Variants in TANGO2 observed in about 807,000 individuals in gnomAD.
TANGO2 encodes transport and Golgi organization protein 2 homolog.
TANGO2 carries 26 observed loss-of-function variants against 39.1 expected under a neutral mutation model. The observed-to-expected ratio is 0.67, with a 90% CI of 0.49 to 0.92. The LOEUF is 0.92. Ranked by LOEUF, TANGO2 falls within the 40% of genes least tolerant of loss-of-function variation. TANGO2 has a pLI of 0.00. For synonymous variants in TANGO2, 131 were observed against 144.5 expected (o/e 0.91, Z 0.67); for missense variants, 326 against 360.1 (o/e 0.91, Z 0.77).
At chr22:20,043,269 T>C (rs2044328757) in intron 2 of TANGO2, 86 bp from the exon 3 acceptor site, 1 of 995,134 alleles carries the variant, frequency 1.0e-6, no homozygotes, top group Admixed American at 1.9e-5. Context: ...TTGTTGCCAC[T>C]GAGGCCAGTT....
chr22:20,055,945 C>T lies in TANGO2; in HGVS notation c.383C>T (p.Thr128Ile), dbSNP rs2047247015. 5 of 1,613,632 alleles carry T rather than the reference C, an allele frequency of 3.1e-6. No homozygotes were observed. The highest frequency in any genetic ancestry group is 4.2e-6 in the Non-Finnish European group (5 of 1,179,522). Residue 128 changes from threonine to isoleucine, a missense_variant and splice_region_variant, in exon 6 of 9, where the codon ACA (threonine) becomes ATA (isoleucine). Coordinates refer to ENST00000327374, the MANE Select transcript of TANGO2 (RefSeq NM_152906.7). The stretch of plus-strand genomic sequence containing the variant: ...CATTCTCTCCCCTTGGCCTGCAGCA[C>T]AGCAAAGGGAGACGTCATTTGCTAC... Reference protein sequence around the residue: ...GFNLIAADLSTAKGDVICYYG... With the variant: ...GFNLIAADLSIAKGDVICYYG...
intron 6 of TANGO2, chr22:20,056,285 G>A (rs1040706072): frequency 1.5e-6 from 1 of 648,218 alleles, no homozygotes; most frequent in Non-Finnish European, 2.9e-6. Context: ...AGCCCAGCCG[G>A]CCACCCCCAG....
At chr22:20,038,923 A>G (rs910953984) in intron 2 of TANGO2, among the ~76,000 whole-genome samples, 11 of 25,024 alleles carry the variant, frequency 4.4e-4, no homozygotes, top group South Asian at 3.5e-3. Context: ...TTAGGCCACT[A>G]TGTTTTTTTT....
rs1478261015 is a variant in TANGO2 at position 20,066,905 on chromosome 22, C to G, written c.*2243C>G. On this transcript the variant is annotated 3_prime_UTR_variant, in exon 9 of 9. Coordinates refer to ENST00000327374, the MANE Select transcript of TANGO2 (RefSeq NM_152906.7). ...CCCTCTGCCCCCACCCTGCCCAGGG[C>G]TCCCCAGCAGCCTGAGGCCCCTAAG... 5 of 152,546 alleles carry G rather than the reference C, an allele frequency of 3.3e-5. No homozygotes were observed. In the East Asian group the frequency reaches 7.7e-4, roughly 24 times the overall value. 9.4% of individuals were successfully genotyped at this position (152,546 alleles called of 1,614,324 possible).
chr22:20,033,256 TCTG>T (rs1161812433), intron 1 of TANGO2: 1 of 524,738 alleles, frequency 1.9e-6, no homozygotes, highest in Non-Finnish European at 3.9e-6. Flanking sequence ...AGCCCTTGGC[TCTG>T]CGCCCACACC....
chr22:20,017,539 G>A (rs973112717), upstream of TANGO2, among the ~76,000 whole-genome samples: 7 of 152,146 alleles, frequency 4.6e-5, no homozygotes, highest in Non-Finnish European at 1.0e-4. Flanking sequence ...GTCCCACCCT[G>A]CAGGCCCCCC....
At chr22:20,035,958 C>A (rs9606220) in intron 1 of TANGO2, among the ~76,000 whole-genome samples, 2 of 152,158 alleles carry the variant, frequency 1.3e-5, no homozygotes, top group Non-Finnish European at 2.9e-5. Context: ...TTGTCGGCCT[C>A]CACTTTCCCC....
intron 3 of TANGO2, among the ~76,000 whole-genome samples, chr22:20,047,224 G>GTTTT (rs1241057513): frequency 1.9e-4 from 28 of 145,814 alleles, no homozygotes; most frequent in African/African-American, 6.8e-4. Context: ...CAGTTTTTTG[G>GTTTT]TTTGTTTGTT....
intron 8 of TANGO2, 74 bp from the exon 9 acceptor site, chr22:20,064,468 C>A: frequency 6.3e-7 from 1 of 1,588,382 alleles, no homozygotes; most frequent in Non-Finnish European, 8.6e-7. Context: ...TGCATTCTTG[C>A]CCTATTTGTG....
At chr22:20,061,867 C>A in intron 7 of TANGO2, 184 bp downstream of exon 7, 2 of 767,896 alleles carry the variant, frequency 2.6e-6, no homozygotes, top group Non-Finnish European at 4.0e-6. Flanking sequence ...TTTCCAACAC[C>A]AGGGACTTTT....
At chr22:20,064,077 T>G (rs934759204) in intron 8 of TANGO2, among the ~76,000 whole-genome samples, 1 of 152,048 alleles carries the variant, frequency 6.6e-6, no homozygotes, top group Non-Finnish European at 1.5e-5. Context: ...TTGCTTCAGG[T>G]GGGCTGGCAT....
At chr22:20,019,538 A>G (rs1335582391), upstream of TANGO2, among the ~76,000 whole-genome samples, 4 of 152,260 alleles carry the variant, frequency 2.6e-5, no homozygotes, top group Admixed American at 1.3e-4. Context: ...GGATGGCCCA[A>G]GGCCACAAGG....
upstream of TANGO2, chr22:20,017,243 C>T (rs185572037): frequency 7.0e-4 from 106 of 152,428 alleles, no homozygotes; most frequent in African/African-American, 2.5e-3. Flanking sequence ...GCCGCTCCCT[C>T]CTGTCGACAT....
intron 1 of TANGO2, among the ~76,000 whole-genome samples, chr22:20,036,042 AT>A (rs1405833860): frequency 2.0e-5 from 3 of 152,144 alleles, no homozygotes; most frequent in African/African-American, 7.2e-5. Flanking sequence ...AAAATAGCTC[AT>A]TTTGTCTGTT....
intron 3 of TANGO2, chr22:20,048,185 G>C (rs200216309): frequency 6.6e-6 from 1 of 152,220 alleles, no homozygotes. Context: ...TCGGCCTTCC[G>C]AAGTGCTGAC....
At chr22:20,044,450 C>T (rs965399432) in intron 3 of TANGO2, among the ~76,000 whole-genome samples, 5 of 152,196 alleles carry the variant, frequency 3.3e-5, no homozygotes, top group African/African-American at 7.2e-5. Flanking sequence ...TGCCTGAGCC[C>T]GGAAAGCAGA....
At chr22:20,021,300 T>TA (rs1205006166) in intron 1 of TANGO2, 54 bp downstream of exon 1, 1 of 152,090 alleles carries the variant, frequency 6.6e-6, no homozygotes, top group East Asian at 1.9e-4. Flanking sequence ...CTTTCTGAGG[T>TA]ATGGTATAGA....
intron 1 of TANGO2, among the ~76,000 whole-genome samples, chr22:20,029,135 G>A (rs2041354949): frequency 6.6e-6 from 1 of 152,206 alleles, no homozygotes; most frequent in South Asian, 2.1e-4. Flanking sequence ...TTTGGGGCTT[G>A]CCTCAACTGG....
upstream of TANGO2, among the ~76,000 whole-genome samples, chr22:20,018,337 T>A (rs1945350431): frequency 3.9e-5 from 6 of 152,188 alleles, no homozygotes; most frequent in South Asian, 1.2e-3. Context: ...CAGGTAGCTG[T>A]CATCCTGTGG....
Sources: gnomAD v4.1 joint callset for allele counts (sites outside exome capture counted in the v4.1 genomes callset) on GRCh38, gnomAD v4.1.1 for gene constraint, MANE v1.5 for transcripts, NCBI Gene and HGNC (gene_info 2026-07-23, HGNC 2026-07-21) for gene names.